CSHL1: variants seen among roughly 807,000 people sequenced by gnomAD.
The protein encoded by CSHL1 is chorionic somatomammotropin hormone-like 1.
A neutral mutation model predicts 24.3 loss-of-function variants in CSHL1; 25 were observed. That is an observed-to-expected ratio of 1.03 (90% CI 0.75 to 1.44). CSHL1 has a LOEUF of 1.44. Among genes scored for constraint, CSHL1 ranks in the 40% most tolerant of loss-of-function variants. The probability of loss-of-function intolerance (pLI) is 0.00; values close to 1 mark genes in which losing one functional copy is unlikely to be tolerated. For missense variants in CSHL1, 342 were observed against 279.3 expected (o/e 1.22, Z -1.60); for synonymous variants, 157 against 115.6 (o/e 1.36, Z -2.30).
At chr17:63,911,138 C>T in intron 1 of CSHL1, 49 bp downstream of exon 1, 1 of 1,612,908 alleles carries the variant, frequency 6.2e-7, no homozygotes, top group African/African-American at 1.3e-5. Flanking sequence ...AGGGCGCCGC[C>T]TCTCCCCTCA....
chr17:63,910,083 G>C (rs753376550), intron 4 of CSHL1, 79 bp downstream of exon 4: 2 of 1,614,186 alleles, frequency 1.2e-6, no homozygotes, highest in Admixed American at 3.3e-5. Context: ...CTGCTGAAAA[G>C]AGGGCAGCAG....
Position 63,910,324 on chromosome 17 carries a change from G to A in CSHL1, c.309C>T (p.Asn103=), listed in dbSNP as rs549363202. ...SNMEETQQKS[N]LELLHISLLL... The stretch of plus-strand genomic sequence containing the variant: ...GCAGGGAGATGTGGAGCAGCTCTAA[G>A]TTCTGCAGGGGAAGGACCGGCAGTG... Residue 103 remains asparagine (N), a splice_region_variant and synonymous_variant, in exon 4 of 5, where the codon AAC becomes AAT. Transcript: ENST00000309894. The A allele has an allele frequency of 6.0e-5, 97 of 1,614,204 alleles. No homozygotes were observed. The highest frequency in any genetic ancestry group is 2.7e-4 in the South Asian group (25 of 91,082).
rs545533096 is a variant in CSHL1 at position 63,909,768 on chromosome 17, G to A, written c.612C>T (p.Val204=). The change falls in exon 5 of 5, where the codon GTC becomes GTT. Residue 204 remains valine, a synonymous_variant. Transcript: ENST00000309894. The stretch of plus-strand genomic sequence containing the variant: ...ACTGCACCATGCGCAGGAATGTCTC[G>A]ACCTTGTCCATGTCCTTCCTGAAGC... ...LHCFRKDMDK[V]ETFLRMVQCR... The A allele has an allele frequency of 1.1e-4, 170 of 1,614,076 alleles. No homozygotes were observed. In the South Asian group the frequency reaches 1.7e-3, roughly 16 times the overall value.
Position 63,911,234 on chromosome 17 carries a change from G to T in CSHL1, c.-38C>A, listed in dbSNP as rs138842521. On this transcript the variant is annotated 5_prime_UTR_variant, in exon 1 of 5. Transcript: ENST00000309894. ...AGCTGTCCACAGGACCCTGAGTGGT[G>T]CGGGGAGTCGGGCCTTGGGATGCTG... is the stretch of plus-strand genomic sequence containing the variant. The T allele has an allele frequency of 8.8e-3, 14,214 of 1,613,776 alleles. 79 individuals carry two copies. The highest frequency in any genetic ancestry group is 0.016 in the Middle Eastern group (98 of 6,034).
rs772857900 is a variant in CSHL1 at position 63,910,205 on chromosome 17, T to G, written c.428A>C (p.His143Pro). ...GCCTTCCTCTAGGTCCTTTAGGAGG[T>G]GATAGTCATCGCTGTCCGAGGTGTC... The part of the protein sequence containing the change: ...VYDTSDSDDY[H>P]LLKDLEEGIQ... Residue 143 changes from histidine to proline, a missense_variant, in exon 4 of 5, where the codon CAC becomes CCC. Physicochemically the swap from His to Pro is moderately conservative, Grantham distance 77. Coordinates refer to ENST00000309894, the MANE Select transcript of CSHL1 (RefSeq NM_022579.3). 6.2e-7 allele frequency: 1 copy of G among 1,613,790 alleles called. No homozygotes were observed. The highest frequency in any genetic ancestry group is 1.1e-5 in the South Asian group (1 of 91,042).
rs1425491647 is a variant in CSHL1, at chr17:63,910,164, C to A, written c.469G>T (p.Gly157Trp). The change falls in exon 4 of 5, where the codon GGG (glycine) becomes TGG (tryptophan). Residue 157 changes from glycine (G) to tryptophan (W), a missense_variant and splice_region_variant. Coordinates refer to ENST00000309894, the MANE Select transcript of CSHL1 (RefSeq NM_022579.3). ...GGGACCCCTGGTGCCACCCTCACCC[C>A]CATCAGCATTTGGATGCCTTCCTCT... Reference protein sequence around the residue: ...DLEEGIQMLMGRLEDGSHLTG... With the variant: ...DLEEGIQMLMWRLEDGSHLTG... 1.9e-6 allele frequency: 3 copies of A among 1,614,106 alleles called. No individual in the cohort carries two copies. Among genetic ancestry groups the A allele is most frequent in the Non-Finnish European group, 1.7e-6 (2 of 1,180,056 alleles).
Sources: gnomAD v4.1 joint callset for allele counts on GRCh38, gnomAD v4.1.1 for gene constraint, MANE v1.5 for transcripts, NCBI Gene and HGNC (gene_info 2026-07-23, HGNC 2026-07-21) for gene names.